PDCD6IP: variants seen among roughly 807,000 people sequenced by gnomAD.
PDCD6IP encodes programmed cell death 6-interacting protein.
In PDCD6IP, 43 loss-of-function variants were observed where a neutral mutation model predicts 103.7. The observed-to-expected ratio is 0.41, with a 90% CI of 0.32 to 0.53. The LOEUF is 0.53. Ranked by LOEUF, PDCD6IP falls within the 20% of genes least tolerant of loss-of-function variation. PDCD6IP has a pLI of 0.16. For synonymous variants in PDCD6IP, 354 were observed against 378.7 expected, an observed-to-expected ratio of 0.93 and a Z score of 0.76; for missense variants, 871 against 1,036.7, an observed-to-expected ratio of 0.84 and a Z score of 2.20.
chr3:33,828,761 C>T (rs770950475), intron 6 of PDCD6IP, 92 bp from the exon 7 acceptor site: 98 of 1,407,198 alleles, frequency 7.0e-5, no homozygotes, highest in South Asian at 2.5e-5. Context: ...ATTCTAATTT[C>T]TGTCTTCTTT....
intron 17 of PDCD6IP, among the ~76,000 whole-genome samples, chr3:33,866,051 G>A (rs1224762471): frequency 1.3e-5 from 2 of 152,018 alleles, no homozygotes; most frequent in Non-Finnish European, 2.9e-5. Flanking sequence ...GTTTTGCCAC[G>A]TTAAAATGAA....
chr3:33,865,245 T>A lies in PDCD6IP; in HGVS notation c.2247T>A (p.Pro749=). 1 of 1,532,520 alleles carries A rather than the reference T, an allele frequency of 6.5e-7. No homozygotes were observed. The highest frequency in any genetic ancestry group is 8.7e-7 in the Non-Finnish European group (1 of 1,149,872). The allele number at this position is 1,532,520 out of a possible 1,614,324, so 94.9% of individuals were successfully genotyped here. ...TCAATGCTGACTTTTTCTTATAGCCTACTAAGCCCCAGCCCCCAGCCAGGC... is the reference window on the plus strand; with the variant it reads ...TCAATGCTGACTTTTTCTTATAGCCAACTAAGCCCCAGCCCCCAGCCAGGC... The part of the protein sequence containing the change: ...PPTPAPRTMP[P]TKPQPPARPP... Residue 749 remains proline, a splice_region_variant and synonymous_variant, in exon 17 of 18, where the codon CCT becomes CCA. Transcript: ENST00000307296.
At chr3:33,855,689 C>T (rs150102226) in intron 15 of PDCD6IP, among the ~76,000 whole-genome samples, 26 of 152,254 alleles carry the variant, frequency 1.7e-4, no homozygotes, top group African/African-American at 6.0e-4. Flanking sequence ...AGTTAACATA[C>T]GACTCATTTC....
At chr3:33,827,098 T>C (rs1697143820) in intron 6 of PDCD6IP, 1 of 985,306 alleles carries the variant, frequency 1.0e-6, no homozygotes, top group African/African-American at 1.7e-5. Flanking sequence ...AATGGACAGC[T>C]AAGGAAAGCA....
chr3:33,812,111 A>AT lies in PDCD6IP; in HGVS notation c.253dup (p.Ser85PhefsTer2). On this transcript the variant is annotated frameshift_variant, in exon 2 of 18. Coordinates refer to ENST00000307296, the MANE Select transcript of PDCD6IP (RefSeq NM_013374.6). LOFTEE classifies it high-confidence loss of function. ...TTTGTTCTATTGAACCCAAATTCCC[A>AT]TTTTCTGAAAATCAGGTAAGTCATT... 1.2e-6 allele frequency: 2 copies of AT among 1,600,582 alleles called. No homozygotes were observed. Among genetic ancestry groups the AT allele is most frequent in the Non-Finnish European group, 1.7e-6 (2 of 1,173,664 alleles).
chr3:33,819,804 G>C (rs1209974797), intron 3 of PDCD6IP, among the ~76,000 whole-genome samples: 3 of 152,234 alleles, frequency 2.0e-5, no homozygotes, highest in Non-Finnish European at 4.4e-5. Flanking sequence ...AATTCTGTGA[G>C]TAATAGGGAG....
intron 7 of PDCD6IP, among the ~76,000 whole-genome samples, chr3:33,833,740 T>A (rs1180420304): frequency 6.6e-6 from 1 of 152,218 alleles, no homozygotes; most frequent in Non-Finnish European, 1.5e-5. Flanking sequence ...TGGAAAGATA[T>A]ACTGCTTGTT....
rs764049174 is a variant in PDCD6IP at position 33,836,068 on chromosome 3, G to A, written c.859G>A (p.Val287Met). The change falls in exon 8 of 18, where the codon GTG (valine) becomes ATG (methionine). Residue 287 changes from valine (V) to methionine (M), a missense_variant. Coordinates refer to ENST00000307296, the MANE Select transcript of PDCD6IP (RefSeq NM_013374.6). The part of the protein sequence containing the change: ...LQHAAELIKT[V>M]ASRYDEYVNV... ...GCATGCAGCAGAACTGATTAAAACAGTGGCATCTCGCTATGATGAATATGT... is the reference window on the plus strand; with the variant it reads ...GCATGCAGCAGAACTGATTAAAACAATGGCATCTCGCTATGATGAATATGT... 2.5e-6 allele frequency: 4 copies of A among 1,605,578 alleles called. No individual in the cohort carries two copies. In the East Asian group the frequency reaches 6.7e-5, roughly 27 times the overall value.
chr3:33,826,385 G>A, intron 5 of PDCD6IP, 95 bp from the exon 6 acceptor site: 1 of 760,638 alleles, frequency 1.3e-6, no homozygotes, highest in Non-Finnish European at 2.1e-6. Flanking sequence ...GATGTTTTCA[G>A]ATGCGTGTAC....
intron 10 of PDCD6IP, among the ~76,000 whole-genome samples, chr3:33,842,309 G>C (rs1432088708): frequency 6.6e-6 from 1 of 152,116 alleles, no homozygotes; most frequent in African/African-American, 2.4e-5. Flanking sequence ...AAACTCAAAT[G>C]ACCACTGTGT....
rs556697068 is a variant in PDCD6IP, at chr3:33,849,936, T to C, written c.1642-2552T>C. On this transcript the variant is annotated intron_variant, in intron 12 of 17. Transcript: ENST00000307296. ...CGTTGTTTGAAATGGCATTTTTTTT[T>C]CCCCAGAAAGTTAGAATTATTGCAT... Among the ~76,000 whole-genome samples, 428 of 152,146 alleles carry C rather than the reference T, an allele frequency of 2.8e-3. 1 individual carries two copies. Among genetic ancestry groups the C allele is most frequent in the African/African-American group, 9.4e-3 (390 of 41,570 alleles).
intron 12 of PDCD6IP, among the ~76,000 whole-genome samples, chr3:33,852,140 C>T (rs1472779310): frequency 1.3e-5 from 2 of 152,138 alleles, no homozygotes; most frequent in East Asian, 1.9e-4. Flanking sequence ...TTCTGAGACT[C>T]GTTATCCCTA....
At chr3:33,840,588 A>G (rs1303832783) in intron 9 of PDCD6IP, among the ~76,000 whole-genome samples, 1 of 152,178 alleles carries the variant, frequency 6.6e-6, no homozygotes, top group Non-Finnish European at 1.5e-5. Flanking sequence ...GATTTTACAG[A>G]GCTTATTTTC....
At chr3:33,812,680 A>G (rs938767199) in intron 2 of PDCD6IP, among the ~76,000 whole-genome samples, 7 of 152,230 alleles carry the variant, frequency 4.6e-5, no homozygotes, top group Non-Finnish European at 1.0e-4. Flanking sequence ...AATAGTTATA[A>G]GAAAAGTACT....
At chr3:33,850,269 T>C (rs1177580195) in intron 12 of PDCD6IP, among the ~76,000 whole-genome samples, 1 of 152,134 alleles carries the variant, frequency 6.6e-6, no homozygotes, top group Non-Finnish European at 1.5e-5. Flanking sequence ...GTTGAAGTGT[T>C]TTTTATTTTC....
Position 33,841,923 on chromosome 3 carries a change from C to G in PDCD6IP, c.1208C>G (p.Ala403Gly). Residue 403 changes from alanine (A) to glycine (G), a missense_variant, in exon 10 of 18, where the codon GCA becomes GGA. Around this residue, in one of 5 missense-constraint regions of PDCD6IP, gnomAD observed 266 missense variants for 390.5 expected, o/e 0.68. Coordinates refer to ENST00000307296, the MANE Select transcript of PDCD6IP (RefSeq NM_013374.6). The part of the protein sequence containing the change: ...NGVLASLNLP[A>G]AIEDVSGDTV... The stretch of plus-strand genomic sequence containing the variant: ...GTGCTAGCTTCCCTTAATCTTCCAG[C>G]AGCAATTGAAGATGTGTCTGGAGAC... 1 of 1,574,104 alleles carries G rather than the reference C, an allele frequency of 6.4e-7. No individual in the cohort carries two copies. The highest frequency in any genetic ancestry group is 8.7e-7 in the Non-Finnish European group (1 of 1,154,200).
Position 33,866,589 on chromosome 3 carries a change from G to C in PDCD6IP, c.*64G>C. ...GAAAGAAATACCAACCCTGCAATAA[G>C]TGTACTAAACTCTACGCTCTGGTTA... is the stretch of plus-strand genomic sequence containing the variant. On this transcript the variant is annotated 3_prime_UTR_variant, in exon 18 of 18. Transcript: ENST00000307296. 7.5e-7 allele frequency: 1 copy of C among 1,341,952 alleles called. No individual in the cohort carries two copies. Among genetic ancestry groups the C allele is most frequent in the Non-Finnish European group, 1.0e-6 (1 of 974,476 alleles). 83.1% of individuals were successfully genotyped at this position (1,341,952 alleles called of 1,614,324 possible). A position where few individuals can be genotyped will look rare whatever the true frequency, so the allele number is the denominator to read the frequency against.
At chr3:33,831,239 A>G (rs1055181956) in intron 7 of PDCD6IP, among the ~76,000 whole-genome samples, 4 of 152,036 alleles carry the variant, frequency 2.6e-5, no homozygotes, top group Non-Finnish European at 5.9e-5. Context: ...AGAAACACAC[A>G]CACACACACA....
intron 3 of PDCD6IP, among the ~76,000 whole-genome samples, chr3:33,816,123 A>G (rs1696843871): frequency 6.6e-6 from 1 of 152,186 alleles, no homozygotes; most frequent in Non-Finnish European, 1.5e-5. Context: ...GAAAAATGTT[A>G]AAGGTTTATC....
Sources: allele counts gnomAD v4.1 joint callset (sites outside exome capture counted in the v4.1 genomes callset), GRCh38; gene constraint gnomAD v4.1.1; regional missense constraint gnomAD v4.1.1; transcripts MANE v1.5; gene names NCBI Gene and HGNC (gene_info 2026-07-23, HGNC 2026-07-21).